CCSER1: variants seen among roughly 807,000 people sequenced by gnomAD.
The protein encoded by CCSER1 is coiled-coil serine rich protein 1, also known as serine-rich coiled-coil domain-containing protein 1.
Under a neutral mutation model 82.0 loss-of-function variants are expected in CCSER1, and 41 were observed. That is an observed-to-expected ratio of 0.50 (90% CI 0.39 to 0.65). CCSER1 has a LOEUF of 0.65. Among genes scored for constraint, CCSER1 ranks in the 30% least tolerant of loss-of-function variants. The pLI is 0.00. For missense variants in CCSER1, 1,119 were observed against 1,064.2 expected, an observed-to-expected ratio of 1.05 and a Z score of -0.72; for synonymous variants, 414 against 383.9, an observed-to-expected ratio of 1.08 and a Z score of -0.92.
intron 10 of CCSER1, among the ~76,000 whole-genome samples, chr4:91,142,359 C>A (rs1481415497): frequency 1.3e-5 from 2 of 152,148 alleles, no homozygotes; most frequent in Non-Finnish European, 2.9e-5. Flanking sequence ...ATCCATTAAA[C>A]CTCTTTCCTT....
chr4:90,568,334 T>C (rs1007371666), intron 5 of CCSER1, among the ~76,000 whole-genome samples: 3 of 152,240 alleles, frequency 2.0e-5, no homozygotes, highest in Non-Finnish European at 4.4e-5. Context: ...GCTTTATATG[T>C]TTAATTGCTA....
intron 4 of CCSER1, among the ~76,000 whole-genome samples, chr4:90,403,752 T>G (rs150581625): frequency 6.6e-6 from 1 of 151,790 alleles, no homozygotes; most frequent in African/African-American, 2.4e-5. Context: ...GGCTACAGAG[T>G]CTTATTATGG....
chr4:90,605,148 C>T (rs1269613947), intron 5 of CCSER1, among the ~76,000 whole-genome samples: 3 of 152,122 alleles, frequency 2.0e-5, no homozygotes, highest in East Asian at 1.9e-4. Context: ...AGACCACGAA[C>T]CCCCCAGAAG....
chr4:90,508,336 G>A (rs1770998130), intron 5 of CCSER1, among the ~76,000 whole-genome samples: 1 of 151,792 alleles, frequency 6.6e-6, no homozygotes, highest in African/African-American at 2.4e-5. Flanking sequence ...CAACAATCTG[G>A]TTTATTAAAA....
intron 1 of CCSER1, among the ~76,000 whole-genome samples, chr4:90,234,214 C>CA (rs1745304172): frequency 7.1e-6 from 1 of 141,458 alleles, no homozygotes; most frequent in African/African-American, 2.6e-5. Flanking sequence ...CTCTCTTATT[C>CA]TTTTTTTTTT....
At chr4:90,584,517 C>A (rs541859982) in intron 5 of CCSER1, among the ~76,000 whole-genome samples, 12 of 152,256 alleles carry the variant, frequency 7.9e-5, no homozygotes, top group African/African-American at 2.4e-4. Flanking sequence ...CCTTGTGATA[C>A]TTTGAGTAGA....
At chr4:90,396,991 G>C (rs1179545426) in intron 3 of CCSER1, among the ~76,000 whole-genome samples, 1 of 152,076 alleles carries the variant, frequency 6.6e-6, no homozygotes, top group Non-Finnish European at 1.5e-5. Context: ...GTGTCTTTTA[G>C]GGAGAGATCT....
At chr4:91,233,284 A>T (rs539355980) in intron 10 of CCSER1, among the ~76,000 whole-genome samples, 4 of 152,032 alleles carry the variant, frequency 2.6e-5, no homozygotes, top group South Asian at 2.1e-4. Context: ...GAAAAAAATC[A>T]TTTTATTTTA....
rs1281348886 is a variant in CCSER1 at position 90,763,612 on chromosome 4, C to T, written c.2010+39621C>T. 2.0e-5 allele frequency among the ~76,000 whole-genome samples: 3 copies of T among 152,260 alleles called. No individual in the cohort carries two copies. In the East Asian group the frequency reaches 5.8e-4, roughly 29 times the overall value. On this transcript the variant is annotated intron_variant, in intron 7 of 10. Coordinates refer to ENST00000509176, the MANE Select transcript of CCSER1 (RefSeq NM_001145065.2). ...GTAATCAGTTCACAGAGCACATCAACCATTTAAGTCCCATGGCTCTGCCCG... is the reference window on the plus strand; with the variant it reads ...GTAATCAGTTCACAGAGCACATCAATCATTTAAGTCCCATGGCTCTGCCCG...
chr4:91,194,721 T>C (rs140348921), intron 10 of CCSER1, among the ~76,000 whole-genome samples: 18 of 152,206 alleles, frequency 1.2e-4, no homozygotes, highest in African/African-American at 4.3e-4. Flanking sequence ...GAGAGGTTGT[T>C]TGCAAATGGA....
intron 3 of CCSER1, among the ~76,000 whole-genome samples, chr4:90,391,444 G>GTGTA (rs1554021194): frequency 2.1e-4 from 8 of 37,476 alleles, no homozygotes; most frequent in African/African-American, 7.2e-4. Flanking sequence ...ATATATGGGG[G>GTGTA]TATATATATA....
At chr4:90,158,958 C>T (rs555758675) in intron 1 of CCSER1, among the ~76,000 whole-genome samples, 5 of 152,198 alleles carry the variant, frequency 3.3e-5, no homozygotes, top group Admixed American at 6.5e-5. Context: ...AGAAATCACC[C>T]GTCTTCTGCT....
chr4:91,514,613 T>G lies in CCSER1; in HGVS notation c.2218-83959T>G, dbSNP rs140202154. Among the ~76,000 whole-genome samples the G allele has an allele frequency of 6.0e-3, 746 of 124,264 alleles. 3 individuals carry two copies. The highest frequency in any genetic ancestry group is 9.8e-3 in the Non-Finnish European group (542 of 55,402). 81.5% of individuals were successfully genotyped at this position (124,264 alleles called of 152,430 possible). On this transcript the variant is annotated intron_variant, in intron 10 of 10. Coordinates refer to ENST00000509176, the MANE Select transcript of CCSER1 (RefSeq NM_001145065.2). ...TATACATCTAGGAGTATTTGTTTTA[T>G]GAATCTGGGTTCAAAAATAGATTTT...
chr4:90,809,174 G>A (rs1336956466), intron 7 of CCSER1, among the ~76,000 whole-genome samples: 1 of 138,004 alleles, frequency 7.2e-6, no homozygotes, highest in African/African-American at 2.7e-5. Flanking sequence ...CACACAATTA[G>A]CTAGGCATGG....
intron 3 of CCSER1, among the ~76,000 whole-genome samples, chr4:90,370,609 A>G (rs1351384123): frequency 6.6e-6 from 1 of 152,012 alleles, no homozygotes; most frequent in Non-Finnish European, 1.5e-5. Flanking sequence ...TAAAAATCAC[A>G]TCACAAGGTT....
rs117792307 is a variant in CCSER1 at position 90,299,914 on chromosome 4, A to G, written c.-41-8330A>G. On this transcript the variant is annotated intron_variant, in intron 1 of 10. Coordinates refer to ENST00000509176, the MANE Select transcript of CCSER1 (RefSeq NM_001145065.2). ...ATGTCCTTTGATATGTTTACATATT[A>G]TTAATTTTCTGCCATCATTTTCTTA... Among the ~76,000 whole-genome samples, 86 of 152,256 alleles carry G rather than the reference A, an allele frequency of 5.6e-4. 2 individuals carry two copies. The East Asian group carries it at 0.016, about 29-fold the overall frequency.
At chr4:90,684,031 A>G (rs1414934254) in intron 6 of CCSER1, among the ~76,000 whole-genome samples, 1 of 152,200 alleles carries the variant, frequency 6.6e-6, no homozygotes, top group Non-Finnish European at 1.5e-5. Flanking sequence ...TGTACTCTAG[A>G]GAATGCTCTG....
intron 10 of CCSER1, among the ~76,000 whole-genome samples, chr4:91,464,075 A>G (rs761085836): frequency 6.6e-6 from 1 of 152,216 alleles, no homozygotes; most frequent in African/African-American, 2.4e-5. Context: ...AGTTGAAATA[A>G]AGGAAAAAAT....
At chr4:90,722,537 C>T (rs949617813) in intron 6 of CCSER1, among the ~76,000 whole-genome samples, 15 of 151,742 alleles carry the variant, frequency 9.9e-5, no homozygotes, top group African/African-American at 7.2e-5. Flanking sequence ...CATAGAACTC[C>T]GGATAAATTT....
Sources: gnomAD v4.1 joint callset for allele counts (sites outside exome capture counted in the v4.1 genomes callset) on GRCh38, gnomAD v4.1.1 for gene constraint, MANE v1.5 for transcripts, NCBI Gene and HGNC (gene_info 2026-07-23, HGNC 2026-07-21) for gene names.